SRGAP2: variants seen among roughly 807,000 people sequenced by gnomAD.
SRGAP2 encodes the protein SLIT-ROBO Rho GTPase-activating protein 2.
Under a neutral mutation model 57.2 loss-of-function variants are expected in SRGAP2, and 15 were observed. The observed-to-expected ratio is 0.26, with a 90% CI of 0.18 to 0.40. SRGAP2 has a LOEUF of 0.40. Among genes scored for constraint, SRGAP2 ranks in the 10% least tolerant of loss-of-function variants. SRGAP2 has a pLI of 1.00. For synonymous variants in SRGAP2, 249 were observed against 248.0 expected (o/e 1.00, Z -0.04); for missense variants, 520 against 669.6 (o/e 0.78, Z 2.47).
rs1347826976 is a variant in SRGAP2, at chr1:206,458,703, A to G, written c.2588A>G (p.Asp863Gly). The G allele has an allele frequency of 1.3e-6, 1 of 778,952 alleles. No homozygotes were observed. Among genetic ancestry groups the G allele is most frequent in the Non-Finnish European group, 2.4e-6 (1 of 417,412 alleles). 48.3% of individuals were successfully genotyped at this position (778,952 alleles called of 1,614,324 possible). Residue 863 changes from aspartate to glycine, a missense_variant, in exon 22 of 23, where the codon GAC becomes GGC. Transcript: ENST00000573034. ...CATGGGCTGAGCAGTTCCCTGACTG[A>G]CTCCTCCTCCCCAGGGGTGGGGGCT... is the stretch of plus-strand genomic sequence containing the variant. ...DSHGLSSSLT[D>G]SSSPGVGASC... is the part of the protein sequence containing the mutation.
chr1:206,377,203 C>A (rs1361279595), intron 4 of SRGAP2, among the ~76,000 whole-genome samples: 1 of 151,906 alleles, frequency 6.6e-6, no homozygotes, highest in Non-Finnish European at 1.5e-5. Context: ...AAGTATTGGG[C>A]CTTAGACTAG....
intron 19 of SRGAP2, 118 bp from the exon 20 acceptor site, chr1:206,453,082 G>A (rs996314204): frequency 6.7e-6 from 3 of 446,438 alleles, no homozygotes; most frequent in South Asian, 5.4e-5. Flanking sequence ...CCATGGCTTC[G>A]TTTTCCCACT....
At chr1:206,296,554 C>T (rs1671607035) in intron 2 of SRGAP2, among the ~76,000 whole-genome samples, 1 of 151,790 alleles carries the variant, frequency 6.6e-6, no homozygotes, top group Non-Finnish European at 1.5e-5. Flanking sequence ...CTCAGCCTCC[C>T]AAGTAGCTGG....
At chr1:206,425,443 A>G (rs1219161933) in intron 13 of SRGAP2, among the ~76,000 whole-genome samples, 1 of 152,200 alleles carries the variant, frequency 6.6e-6, no homozygotes, top group Admixed American at 6.5e-5. Context: ...ATTAACTATT[A>G]TTATCCTACT....
chr1:206,332,696 A>G (rs1205960692), intron 3 of SRGAP2, among the ~76,000 whole-genome samples: 22 of 147,356 alleles, frequency 1.5e-4, no homozygotes, highest in African/African-American at 5.8e-4. Context: ...TCGTTATTCT[A>G]GTTATACATT....
chr1:206,452,169 C>T (rs1663376155), intron 19 of SRGAP2, among the ~76,000 whole-genome samples: 1 of 152,196 alleles, frequency 6.6e-6, no homozygotes, highest in African/African-American at 2.4e-5. Flanking sequence ...ATAACAACTT[C>T]ATGAAAAAGA....
chr1:206,404,474 A>C (rs1343277126), intron 8 of SRGAP2, among the ~76,000 whole-genome samples: 1 of 151,674 alleles, frequency 6.6e-6, no homozygotes, highest in African/African-American at 2.4e-5. Context: ...CCTGCCTCCC[A>C]ACTCTCTCAG....
intron 2 of SRGAP2, among the ~76,000 whole-genome samples, chr1:206,237,705 C>G (rs1244916105): frequency 4.0e-5 from 6 of 149,776 alleles, no homozygotes; most frequent in Non-Finnish European, 8.9e-5. Flanking sequence ...GTATACCTAG[C>G]GTGAACTAAC....
At chr1:206,290,466 G>T (rs1192689570) in intron 2 of SRGAP2, among the ~76,000 whole-genome samples, 1 of 151,922 alleles carries the variant, frequency 6.6e-6, no homozygotes, top group African/African-American at 2.4e-5. Context: ...GACCAACATG[G>T]TGAAACTTTG....
At chr1:206,307,794 G>A (rs1672340362) in intron 3 of SRGAP2, among the ~76,000 whole-genome samples, 1 of 151,966 alleles carries the variant, frequency 6.6e-6, no homozygotes, top group African/African-American at 2.4e-5. Flanking sequence ...CAGCTGGCCC[G>A]CAAGCGCCGC....
chr1:206,310,202 T>G (rs1473855844), intron 3 of SRGAP2, among the ~76,000 whole-genome samples: 1 of 151,506 alleles, frequency 6.6e-6, no homozygotes, highest in African/African-American at 2.4e-5. Flanking sequence ...CAATTTCATA[T>G]GGTACAGCCT....
At chr1:206,240,028 G>A (rs1553308793) in intron 2 of SRGAP2, among the ~76,000 whole-genome samples, 1 of 151,796 alleles carries the variant, frequency 6.6e-6, no homozygotes, top group African/African-American at 2.4e-5. Context: ...CACTTTGGGA[G>A]GCCAAGGCGG....
At chr1:206,329,800 C>T (rs1571874039) in intron 3 of SRGAP2, among the ~76,000 whole-genome samples, 2 of 143,438 alleles carry the variant, frequency 1.4e-5, no homozygotes, top group Admixed American at 7.1e-5. Context: ...CCTTTATTTC[C>T]TTCTCCTGCC....
intron 19 of SRGAP2, among the ~76,000 whole-genome samples, chr1:206,451,322 G>A (rs1254483667): frequency 3.3e-5 from 5 of 152,186 alleles, no homozygotes; most frequent in African/African-American, 1.2e-4. Flanking sequence ...ATCAAGGGGA[G>A]GAATGCTCAG....
intron 21 of SRGAP2, chr1:206,458,309 G>A (rs1553379105): frequency 1.8e-6 from 1 of 545,912 alleles, no homozygotes; most frequent in Non-Finnish European, 3.6e-6. Flanking sequence ...CACAGAAGGG[G>A]CCTTTCCATG....
rs1335409043 is a variant in SRGAP2, at chr1:206,446,279, A to G, written c.2079A>G (p.Gly693=). ...RELEGPVYSR[G]GSMEDYCDSP... The stretch of plus-strand genomic sequence containing the variant: ...TGGAGGGCCCTGTCTACAGCAGAGG[A>G]GGAAGCATGGAGGATTACTGGTAGG... Residue 693 remains glycine (G), a synonymous_variant, in exon 18 of 23, where the codon GGA becomes GGG. Coordinates refer to ENST00000573034, the MANE Select transcript of SRGAP2 (RefSeq NM_015326.5). 1 of 780,756 alleles carries G rather than the reference A, an allele frequency of 1.3e-6. No individual in the cohort carries two copies. The highest frequency in any genetic ancestry group is 1.7e-5 in the African/African-American group (1 of 59,146). The allele number at this position is 780,756 out of a possible 1,614,324, so 48.4% of individuals were successfully genotyped here. A position where few individuals can be genotyped will look rare whatever the true frequency, so the allele number is the denominator to read the frequency against.
intron 2 of SRGAP2, among the ~76,000 whole-genome samples, chr1:206,239,548 C>T (rs1668081078): frequency 6.6e-6 from 1 of 151,980 alleles, no homozygotes; most frequent in African/African-American, 2.4e-5. Flanking sequence ...ACCTCCGCCT[C>T]CTGGGTTCAA....
chr1:206,439,666 C>G (rs1293352410), intron 16 of SRGAP2, among the ~76,000 whole-genome samples: 1 of 152,020 alleles, frequency 6.6e-6, no homozygotes, highest in Non-Finnish European at 1.5e-5. Context: ...TTACAACAAC[C>G]CTAGTTCAGT....
At chr1:206,263,543 T>C (rs1286762157) in intron 2 of SRGAP2, among the ~76,000 whole-genome samples, 7 of 152,212 alleles carry the variant, frequency 4.6e-5, no homozygotes, top group Middle Eastern at 3.4e-3. Context: ...CTGACCCTTG[T>C]TGGACACACA....
Sources: gnomAD v4.1 joint callset for allele counts (sites outside exome capture counted in the v4.1 genomes callset) on GRCh38, gnomAD v4.1.1 for gene constraint, MANE v1.5 for transcripts, NCBI Gene and HGNC (gene_info 2026-07-23, HGNC 2026-07-21) for gene names.